DBF4B: variants seen among roughly 807,000 people sequenced by gnomAD.
The protein encoded by DBF4B is DBF4B-CDC7 kinase regulatory subunit, also known as protein DBF4 homolog B.
DBF4B carries 49 observed loss-of-function variants against 53.4 expected under a neutral mutation model. The ratio of observed to expected loss-of-function variants is 0.92; its 90% CI spans 0.73 to 1.16. The LOEUF (loss-of-function observed/expected upper bound fraction) is 1.16, where lower values mean the gene tolerates loss of function less well. Among genes scored for constraint, DBF4B ranks in the 50% most tolerant of loss-of-function variants. The pLI, the probability that DBF4B is intolerant of heterozygous loss-of-function variation, is 0.00. For missense variants in DBF4B, 692 were observed against 775.0 expected, an observed-to-expected ratio of 0.89 and a Z score of 1.27; for synonymous variants, 257 against 288.7, an observed-to-expected ratio of 0.89 and a Z score of 1.11.
intron 2 of DBF4B, among the ~76,000 whole-genome samples, 180 bp downstream of exon 2, chr17:44,709,546 C>T (rs1307183159): frequency 6.6e-6 from 1 of 152,088 alleles, no homozygotes; most frequent in African/African-American, 2.4e-5. Context: ...GTCTCAAACT[C>T]CTGGCCTCAA....
At chr17:44,710,364 G>T (rs566314153) in intron 2 of DBF4B, among the ~76,000 whole-genome samples, 17 of 152,050 alleles carry the variant, frequency 1.1e-4, no homozygotes, top group African/African-American at 4.1e-4. Context: ...AGGAGGCTTT[G>T]TGTGATAAAC....
chr17:44,722,428 T>A (rs1973933858), intron 2 of DBF4B, among the ~76,000 whole-genome samples: 1 of 152,216 alleles, frequency 6.6e-6, no homozygotes, highest in Non-Finnish European at 1.5e-5. Context: ...ACTGCCATGA[T>A]GTTACCCTGC....
chr17:44,714,149 A>G (rs1268602909), intron 2 of DBF4B, among the ~76,000 whole-genome samples: 2 of 152,134 alleles, frequency 1.3e-5, no homozygotes, highest in African/African-American at 2.4e-5. Flanking sequence ...GCAAAGTCAT[A>G]TAATGGACTT....
chr17:44,718,057 T>G (rs897936191), intron 2 of DBF4B, among the ~76,000 whole-genome samples: 2 of 151,718 alleles, frequency 1.3e-5, no homozygotes, highest in African/African-American at 4.8e-5. Flanking sequence ...ATCCGGAAAT[T>G]AATGTTGATA....
chr17:44,709,211 C>T, intron 1 of DBF4B, 93 bp from the exon 2 acceptor site: 6 of 1,519,904 alleles, frequency 3.9e-6, no homozygotes, highest in Non-Finnish European at 5.5e-6. Context: ...AGTCGCGTTT[C>T]TGTGCGCGTT....
rs759054704 is a variant in DBF4B, at chr17:44,751,251, T to A, written c.1846T>A (p.Ter616LysextTer2). Residue 616 changes from the stop codon to lysine, a stop_lost, in exon 14 of 14, where the codon TAG (stop) becomes AAG (lysine). Transcript: ENST00000315005. ...CGGCTTCCTGGCTGTAGACTCAGGT[T>A]AGAGGTGAACCCAGAACACCTGAGA... ...HCGFLAVDSG* is the reference protein window; with the variant it reads ...HCGFLAVDSGK The A allele has an allele frequency of 6.2e-7, 1 of 1,611,698 alleles. No homozygotes were observed. The highest frequency in any genetic ancestry group is 1.7e-5 in the Admixed American group (1 of 59,934).
chr17:44,748,429 C>G lies in DBF4B; in HGVS notation c.1153C>G (p.Pro385Ala). 6.2e-7 allele frequency: 1 copy of G among 1,614,120 alleles called. No individual in the cohort carries two copies. Among genetic ancestry groups the G allele is most frequent in the Non-Finnish European group, 8.5e-7 (1 of 1,179,992 alleles). Residue 385 changes from proline to alanine, a missense_variant, in exon 13 of 14, where the codon CCC becomes GCC. Pro to Ala is a conservative substitution (Grantham distance 27). This residue lies in a region of DBF4B where 597 missense variants were observed against 665.8 expected (regional missense o/e 0.90). Coordinates refer to ENST00000315005, the MANE Select transcript of DBF4B (RefSeq NM_145663.3). The stretch of plus-strand genomic sequence containing the variant: ...GCCCTCCCATCCCAGGGCAGCATCT[C>G]CCAGGATAAGGAAAGAAGACAGCTG... ...HQPSHPRAAS[P>A]RIRKEDSCQA...
intron 9 of DBF4B, 46 bp downstream of exon 9, chr17:44,738,470 AGAGGAGG>A: frequency 1.3e-6 from 2 of 1,591,872 alleles, no homozygotes; most frequent in East Asian, 2.2e-5. Flanking sequence ...AGGCCTGCAC[AGAGGAGG>A]GAGGAGGGAG....
chr17:44,731,999 G>C (rs1000475933), intron 5 of DBF4B, 179 bp from the exon 6 acceptor site: 2 of 591,996 alleles, frequency 3.4e-6, no homozygotes, highest in South Asian at 2.0e-5. Flanking sequence ...GTGGAGGACA[G>C]GATGTCTTCC....
At chr17:44,709,990 A>G (rs540952159) in intron 2 of DBF4B, among the ~76,000 whole-genome samples, 79 of 151,790 alleles carry the variant, frequency 5.2e-4, no homozygotes, top group Middle Eastern at 3.4e-3. Flanking sequence ...TGGCTAACAC[A>G]GTGAAACCCC....
chr17:44,741,284 T>G, intron 9 of DBF4B, 52 bp from the exon 10 acceptor site: 1 of 1,392,796 alleles, frequency 7.2e-7, no homozygotes, highest in Non-Finnish European at 1.0e-6. Context: ...GGCCCCCTCC[T>G]CAGCCTTTAC....
chr17:44,712,551 G>A (rs928189536), intron 2 of DBF4B, among the ~76,000 whole-genome samples: 5 of 151,654 alleles, frequency 3.3e-5, no homozygotes, highest in Non-Finnish European at 7.4e-5. Context: ...TGATCCACCC[G>A]TCTCAGACTC....
intron 6 of DBF4B, among the ~76,000 whole-genome samples, chr17:44,733,028 G>A (rs528193819): frequency 1.8e-4 from 28 of 151,942 alleles, no homozygotes; most frequent in Non-Finnish European, 3.2e-4. Flanking sequence ...AGCCGGGCGT[G>A]GTGGCGGGCG....
At chr17:44,709,202 G>A (rs1312329894) in intron 1 of DBF4B, 102 bp from the exon 2 acceptor site, 4 of 1,451,106 alleles carry the variant, frequency 2.8e-6, no homozygotes, top group Non-Finnish European at 3.9e-6. Context: ...GTTCCCAGGA[G>A]TCGCGTTTCT....
At chr17:44,722,493 C>T in intron 2 of DBF4B, among the ~76,000 whole-genome samples, 1 of 152,186 alleles carries the variant, frequency 6.6e-6, no homozygotes, top group Non-Finnish European at 1.5e-5. Context: ...ACTCACTCAG[C>T]ACAGCTAGAA....
intron 3 of DBF4B, among the ~76,000 whole-genome samples, chr17:44,726,483 T>C (rs1352969152): frequency 6.7e-6 from 1 of 150,164 alleles, no homozygotes; most frequent in Non-Finnish European, 1.5e-5. Context: ...ATTGGTCTTT[T>C]ACTCTTGGCG....
intron 2 of DBF4B, among the ~76,000 whole-genome samples, chr17:44,714,454 C>A (rs925655000): frequency 3.3e-5 from 5 of 152,024 alleles, no homozygotes; most frequent in Non-Finnish European, 7.4e-5. Flanking sequence ...GATGTGGTAA[C>A]AGTCTCTGTA....
At chr17:44,717,060 C>A (rs919662372) in intron 2 of DBF4B, among the ~76,000 whole-genome samples, 2 of 152,154 alleles carry the variant, frequency 1.3e-5, no homozygotes, top group Admixed American at 1.3e-4. Context: ...TCATCTTCCA[C>A]ATTTATGCAG....
intron 2 of DBF4B, among the ~76,000 whole-genome samples, chr17:44,711,180 T>G (rs1312562195): frequency 2.6e-5 from 4 of 151,936 alleles, no homozygotes; most frequent in Non-Finnish European, 5.9e-5. Context: ...GAGACAGGGT[T>G]CCACCATGTT....
Sources: gnomAD v4.1 joint callset for allele counts (sites outside exome capture counted in the v4.1 genomes callset) on GRCh38, gnomAD v4.1.1 for gene constraint, gnomAD v4.1.1 regional missense constraint, MANE v1.5 for transcripts, NCBI Gene and HGNC (gene_info 2026-07-23, HGNC 2026-07-21) for gene names.